MYO1F: variants seen among roughly 807,000 people sequenced by gnomAD.
The protein encoded by MYO1F is unconventional myosin-If.
MYO1F carries 60 observed loss-of-function variants against 146.6 expected under a neutral mutation model. That is an observed-to-expected ratio of 0.41 (90% CI 0.33 to 0.51). MYO1F has a LOEUF of 0.51. Among genes scored for constraint, MYO1F ranks in the 20% least tolerant of loss-of-function variants. The probability of loss-of-function intolerance (pLI) is 0.25; values close to 1 mark genes in which losing one functional copy is unlikely to be tolerated. For missense variants in MYO1F, 1,274 were observed against 1,534.3 expected (o/e 0.83, Z 2.83); for synonymous variants, 602 against 602.1 (o/e 1.00, Z 0.00).
chr19:8,550,922 C>T (rs1252816951), intron 8 of MYO1F, among the ~76,000 whole-genome samples: 1 of 152,102 alleles, frequency 6.6e-6, no homozygotes, highest in Admixed American at 6.6e-5. Context: ...CCTCTGTTGC[C>T]CAGGCTGGAG....
chr19:8,539,673 T>C (rs1191429810), intron 16 of MYO1F, among the ~76,000 whole-genome samples: 1 of 152,094 alleles, frequency 6.6e-6, no homozygotes, highest in Admixed American at 6.6e-5. Context: ...TAAAAAATGG[T>C]AAATGACTAA....
chr19:8,534,462 C>G (rs1356508206), intron 19 of MYO1F, among the ~76,000 whole-genome samples: 1 of 151,442 alleles, frequency 6.6e-6, no homozygotes, highest in Non-Finnish European at 1.5e-5. Flanking sequence ...CACGTGTCAC[C>G]ATGCCCGGCT....
intron 1 of MYO1F, among the ~76,000 whole-genome samples, chr19:8,557,576 A>G (rs754201930): frequency 6.6e-6 from 1 of 152,170 alleles, no homozygotes; most frequent in Non-Finnish European, 1.5e-5. Context: ...TGGTGGGATT[A>G]TAGGCGTAAG....
chr19:8,539,167 C>T (rs150356068), intron 16 of MYO1F, among the ~76,000 whole-genome samples: 3,756 of 152,216 alleles, frequency 0.025, 86 homozygotes, highest in African/African-American at 0.062. Flanking sequence ...GTAATCCCAG[C>T]GCTTTGGGAG....
chr19:8,572,983 A>G (rs957133160), intron 1 of MYO1F, among the ~76,000 whole-genome samples: 2 of 152,186 alleles, frequency 1.3e-5, no homozygotes, highest in South Asian at 2.1e-4. Flanking sequence ...GGCATGAGCC[A>G]TTGTTCCTGG....
intron 27 of MYO1F, among the ~76,000 whole-genome samples, 158 bp from the exon 28 acceptor site, chr19:8,521,762 G>A (rs1267815456): frequency 6.6e-6 from 1 of 152,156 alleles, no homozygotes. Context: ...CTCCCAAAGT[G>A]CTGGAATTAC....
chr19:8,525,450 G>C (rs912215883), intron 25 of MYO1F, 29 bp downstream of exon 25: 1 of 1,596,346 alleles, frequency 6.3e-7, no homozygotes, highest in African/African-American at 1.3e-5. Flanking sequence ...AACAGACAAG[G>C]GAATATAGCA....
intron 14 of MYO1F, among the ~76,000 whole-genome samples, chr19:8,543,343 C>A (rs1305834902): frequency 6.6e-6 from 1 of 152,032 alleles, no homozygotes; most frequent in Non-Finnish European, 1.5e-5. Flanking sequence ...ATTTCTGTAG[C>A]CTTCGGTAGG....
In MYO1F at chr19:8,546,353, C is replaced by T. The variant is rs148160806; in HGVS notation, c.1270-617G>A. ...TGCTGGGATTACAGGCATGAGCCAC[C>T]GCACACAGCTTGCTTTTTTTTTTTG... On this transcript the variant is annotated intron_variant, in intron 12 of 27. Coordinates refer to ENST00000644032, the MANE Select transcript of MYO1F (RefSeq NM_012335.4). Among the ~76,000 whole-genome samples the T allele has an allele frequency of 3.9e-4, 58 of 147,678 alleles. No homozygotes were observed. The East Asian group carries it at 7.1e-3, about 18-fold the overall frequency.
intron 13 of MYO1F, 40 bp from the exon 14 acceptor site, chr19:8,544,504 C>G: frequency 6.3e-7 from 1 of 1,584,870 alleles, no homozygotes; most frequent in East Asian, 2.3e-5. Flanking sequence ...TCAGTTTGGT[C>G]TGCCTTGCCT....
In MYO1F at chr19:8,542,050, C is replaced by T. The variant is rs114026321; in HGVS notation, c.1525-59G>A. On this transcript the variant is annotated intron_variant, in intron 14 of 27. Coordinates refer to ENST00000644032, the MANE Select transcript of MYO1F (RefSeq NM_012335.4). ...TGAGAAACCTGGCTGGGAGGGTGGG[C>T]GTGGGGTGCTTACAGCCCAGGTGGT... is the stretch of plus-strand genomic sequence containing the variant. The T allele has an allele frequency of 0.015, 15,409 of 1,047,744 alleles. 223 individuals are homozygous for T. The highest frequency in any genetic ancestry group is 0.068 in the African/African-American group (4,265 of 62,656). 64.9% of individuals were successfully genotyped at this position (1,047,744 alleles called of 1,614,324 possible).
chr19:8,544,864 C>A (rs1973274391), intron 13 of MYO1F, among the ~76,000 whole-genome samples: 1 of 152,142 alleles, frequency 6.6e-6, no homozygotes, highest in African/African-American at 2.4e-5. Context: ...CAGCCTCCAT[C>A]TCCCAGGTTC....
chr19:8,563,818 AG>A (rs1392606612), intron 1 of MYO1F, among the ~76,000 whole-genome samples: 1 of 151,554 alleles, frequency 6.6e-6, no homozygotes, highest in African/African-American at 2.4e-5. Flanking sequence ...GGCTTGAGAC[AG>A]GGTTTTTCTA....
At position 8,570,077 on chromosome 19, in the gene MYO1F, A is replaced by AT. The variant is rs879946477; in HGVS notation, c.3+7229dup. On this transcript the variant is annotated intron_variant, in intron 1 of 27. Coordinates refer to ENST00000644032, the MANE Select transcript of MYO1F (RefSeq NM_012335.4). The stretch of plus-strand genomic sequence containing the variant: ...GCATACTACCACGCCTGGCTAATAC[A>AT]TTTTTTTTTTTTTGAGATGGAGTCT... 3.9e-3 allele frequency among the ~76,000 whole-genome samples: 554 copies of AT among 141,030 alleles called. 3 individuals carry two copies. The highest frequency in any genetic ancestry group is 0.011 in the South Asian group (50 of 4,412). The allele number at this position is 141,030 out of a possible 152,430, so 92.5% of individuals were successfully genotyped here.
At chr19:8,542,462 G>A (rs948078969) in intron 14 of MYO1F, among the ~76,000 whole-genome samples, 6 of 151,312 alleles carry the variant, frequency 4.0e-5, no homozygotes, top group Admixed American at 6.6e-5. Flanking sequence ...CCTGTCTCAG[G>A]GATCTCTGGG....
intron 12 of MYO1F, among the ~76,000 whole-genome samples, chr19:8,547,497 G>T (rs771536283): frequency 6.6e-6 from 1 of 151,420 alleles, no homozygotes; most frequent in African/African-American, 2.4e-5. Context: ...CCAGCTGCTC[G>T]GGAGGCTGAG....
At chr19:8,547,721 G>A (rs1973429780) in intron 12 of MYO1F, 1 of 350,608 alleles carries the variant, frequency 2.9e-6, no homozygotes, top group Non-Finnish European at 5.4e-6. Flanking sequence ...TGCTTCTGGG[G>A]GAGGGGCAAA....
At chr19:8,553,920 T>TCTCTCTCTCTCTCTCTCG (rs1329711097) in intron 4 of MYO1F, among the ~76,000 whole-genome samples, 2 of 147,866 alleles carry the variant, frequency 1.4e-5, no homozygotes, top group Non-Finnish European at 3.0e-5. Flanking sequence ...TCTCTCTCTC[T>TCTCTCTCTCTCTCTCTCG]CTCGCTCTCT....
At chr19:8,550,035 A>G in intron 10 of MYO1F, 125 bp downstream of exon 10, 4 of 1,139,108 alleles carry the variant, frequency 3.5e-6, no homozygotes, top group Non-Finnish European at 5.1e-6. Flanking sequence ...TCTGGCCTCA[A>G]AGAATGCTCC....
Sources: allele counts gnomAD v4.1 joint callset (sites outside exome capture counted in the v4.1 genomes callset), GRCh38; gene constraint gnomAD v4.1.1; transcripts MANE v1.5; gene names NCBI Gene and HGNC (gene_info 2026-07-23, HGNC 2026-07-21).